Variants in CELSR1 observed in about 807,000 individuals in gnomAD.
CELSR1 encodes the protein cadherin EGF LAG seven-pass G-type receptor 1.
A neutral mutation model predicts 249.1 loss-of-function variants in CELSR1; 110 were observed. The ratio of observed to expected loss-of-function variants is 0.44; its 90% CI spans 0.38 to 0.52. CELSR1 has a LOEUF of 0.52. Among genes scored for constraint, CELSR1 ranks in the 20% least tolerant of loss-of-function variants. The pLI is 0.00. For missense variants in CELSR1, 4,109 were observed against 4,296.4 expected (o/e 0.96, Z 1.22); for synonymous variants, 2,113 against 1,900.0 (o/e 1.11, Z -2.92).
chr22:46,398,909 G>A lies in CELSR1; in HGVS notation c.5413-272C>T, dbSNP rs1422947609. 3.9e-5 allele frequency among the ~76,000 whole-genome samples: 6 copies of A among 152,210 alleles called. No homozygotes were observed. Among genetic ancestry groups the A allele is most frequent in the Admixed American group, 1.3e-4 (2 of 15,288 alleles). On this transcript the variant is annotated intron_variant, in intron 10 of 34. Transcript: ENST00000674500. This position sits in a 1 kb window ranked among gnomAD's most constrained non-coding sequence, Gnocchi z 7.2. ...TGGGGTCAACGTGGGCAACTGTCCCGCCTCCGTCAAGGGCACAACACTAAA... is the reference window on the plus strand; with the variant it reads ...TGGGGTCAACGTGGGCAACTGTCCCACCTCCGTCAAGGGCACAACACTAAA...
rs367891085 is a variant in CELSR1 at position 46,380,788 on chromosome 22, G to A, written c.7256C>T (p.Ala2419Val). ...PVCVFWNHSL[A>V]VGGTGGWSAR... The stretch of plus-strand genomic sequence containing the variant: ...ATGGGGCTCCTGGCGTCACACTTAC[G>A]CCAGGGAGTGGTTCCAGAACACGCA... The change falls in exon 22 of 35, where the codon GCC (alanine) becomes GTC (valine). Residue 2419 changes from alanine (A) to valine (V), a missense_variant and splice_region_variant. Ala to Val is a moderately conservative substitution (Grantham distance 64). This residue lies in a region of CELSR1 where 1,805 missense variants were observed against 1,831.6 expected (regional missense o/e 0.99). Transcript: ENST00000674500. This position sits in a 1 kb window ranked among gnomAD's most constrained non-coding sequence, Gnocchi z 5.1. 8.6e-5 allele frequency: 139 copies of A among 1,611,850 alleles called. No individual in the cohort carries two copies. The highest frequency in any genetic ancestry group is 1.1e-4 in the Non-Finnish European group (127 of 1,179,526).
At chr22:46,364,382 G>A (rs1765479215) in intron 33 of CELSR1, 130 bp downstream of exon 33, 3 of 1,499,088 alleles carry the variant, frequency 2.0e-6, no homozygotes, top group Non-Finnish European at 2.7e-6. Flanking sequence ...GGCTAGGCCA[G>A]GAGGCCACGT....
Position 46,412,758 on chromosome 22 carries a change from C to T in CELSR1, c.4612-999G>A, listed in dbSNP as rs561619004. Among the ~76,000 whole-genome samples the T allele has an allele frequency of 2.6e-5, 4 of 152,198 alleles. No individual in the cohort carries two copies. The highest frequency in any genetic ancestry group is 5.9e-5 in the Non-Finnish European group (4 of 68,034). On this transcript the variant is annotated intron_variant, in intron 5 of 34. Coordinates refer to ENST00000674500, the MANE Select transcript of CELSR1 (RefSeq NM_001378328.1). The surrounding 1 kb of genome is among the most constrained non-coding windows in gnomAD (Gnocchi z 4.5). ...CGCCCTACACAATCCATGCTGGCCA[C>T]GGAACTTAAGCATGTGGGTCTCAAA...
At chr22:46,525,931 C>T (rs1343181268) in intron 1 of CELSR1, among the ~76,000 whole-genome samples, 2 of 152,266 alleles carry the variant, frequency 1.3e-5, no homozygotes, top group Non-Finnish European at 2.9e-5. Context: ...TGGCCAGCAC[C>T]GCCCCTCCTG....
In CELSR1 at chr22:46,391,408, C is replaced by G. The variant is rs1486385737; in HGVS notation, c.6149-121G>C. On this transcript the variant is annotated intron_variant, in intron 15 of 34. Coordinates refer to ENST00000674500, the MANE Select transcript of CELSR1 (RefSeq NM_001378328.1). This position sits in a 1 kb window ranked among gnomAD's most constrained non-coding sequence, Gnocchi z 4.3. ...CCCTGCTCCCACCAAGAACCGAACC[C>G]TAGCATCTCCCCTGCCCCCATCCAT... The G allele has an allele frequency of 4.1e-5, 39 of 951,784 alleles. No homozygotes were observed. Among genetic ancestry groups the G allele is most frequent in the Non-Finnish European group, 3.1e-6 (2 of 642,488 alleles). The allele number at this position is 951,784 out of a possible 1,614,324, so 59.0% of individuals were successfully genotyped here.
At chr22:46,499,420 C>G (rs1379032802) in intron 1 of CELSR1, among the ~76,000 whole-genome samples, 1 of 152,134 alleles carries the variant, frequency 6.6e-6, no homozygotes, top group Non-Finnish European at 1.5e-5. Flanking sequence ...AAATCTTAGA[C>G]AATGATAACA....
rs1311826471 is a variant in CELSR1 at position 46,362,023 on chromosome 22, A to G, written c.*1200T>C. On this transcript the variant is annotated 3_prime_UTR_variant, in exon 35 of 35. Coordinates refer to ENST00000674500, the MANE Select transcript of CELSR1 (RefSeq NM_001378328.1). ...TGGCCATTTGAAGCAAAATGAAGTA[A>G]TTGGTCAGACTCCAGAGGGGAGAAC... 6.6e-6 allele frequency: 1 copy of G among 152,262 alleles called. No individual in the cohort carries two copies. Among genetic ancestry groups the G allele is most frequent in the African/African-American group, 2.4e-5 (1 of 41,464 alleles). 9.4% of individuals were successfully genotyped at this position (152,262 alleles called of 1,614,324 possible). A position where few individuals can be genotyped will look rare whatever the true frequency, so the allele number is the denominator to read the frequency against.
chr22:46,416,463 C>T (rs1569147942), intron 5 of CELSR1, among the ~76,000 whole-genome samples: 1 of 147,588 alleles, frequency 6.8e-6, no homozygotes, highest in South Asian at 2.1e-4. Context: ...AGTAGCTGGA[C>T]CTGGTCACTC....
intron 18 of CELSR1, among the ~76,000 whole-genome samples, chr22:46,387,197 T>C (rs541636750): frequency 6.6e-6 from 1 of 152,366 alleles, no homozygotes; most frequent in Non-Finnish European, 1.5e-5. Context: ...CAAGCACTGC[T>C]TAAATGCTTG....
intron 1 of CELSR1, among the ~76,000 whole-genome samples, chr22:46,465,397 C>A (rs1413348572): frequency 6.6e-6 from 1 of 152,162 alleles, no homozygotes; most frequent in Non-Finnish European, 1.5e-5. Flanking sequence ...TGTCACCCCT[C>A]AGAGTCCTGG....
chr22:46,385,095 T>A (rs2147232053), intron 19 of CELSR1, among the ~76,000 whole-genome samples: 1 of 150,798 alleles, frequency 6.6e-6, no homozygotes, highest in East Asian at 2.0e-4. Flanking sequence ...CCCAGCCTAT[T>A]TACTTATATT....
intron 1 of CELSR1, among the ~76,000 whole-genome samples, chr22:46,522,105 C>G (rs1431391991): frequency 1.3e-5 from 2 of 152,152 alleles, no homozygotes; most frequent in East Asian, 3.8e-4. Context: ...AGTCAACTCA[C>G]TGGCAAACAG....
intron 3 of CELSR1, among the ~76,000 whole-genome samples, chr22:46,438,861 G>A (rs1019568526): frequency 2.0e-5 from 3 of 152,178 alleles, no homozygotes; most frequent in South Asian, 2.1e-4. Flanking sequence ...TGGTTCAAGC[G>A]GTTCTCTTGT....
intron 17 of CELSR1, among the ~76,000 whole-genome samples, chr22:46,389,897 A>T (rs757813352): frequency 7.2e-5 from 11 of 152,174 alleles, no homozygotes; most frequent in Non-Finnish European, 1.3e-4. Context: ...GGTTGCAGCA[A>T]GCTGAGACCG....
At position 46,363,338 on chromosome 22, in the gene CELSR1, T is replaced by C. The variant is rs1327977965; in HGVS notation, c.9036-91A>G. 2 of 1,052,144 alleles carry C rather than the reference T, an allele frequency of 1.9e-6. No homozygotes were observed. Among genetic ancestry groups the C allele is most frequent in the African/African-American group, 3.1e-5 (2 of 63,538 alleles). 65.2% of individuals were successfully genotyped at this position (1,052,144 alleles called of 1,614,324 possible). A position where few individuals can be genotyped will look rare whatever the true frequency, so the allele number is the denominator to read the frequency against. On this transcript the variant is annotated intron_variant, in intron 34 of 34. Coordinates refer to ENST00000674500, the MANE Select transcript of CELSR1 (RefSeq NM_001378328.1). The surrounding 1 kb of genome is among the most constrained non-coding windows in gnomAD (Gnocchi z 4.3). ...AAGGTTGTCACACGGGGGGGCAGGA[T>C]CACCCCATCAGGGTAGAGGGGGCGT...
chr22:46,388,848 T>G (rs2079058066), intron 18 of CELSR1, among the ~76,000 whole-genome samples: 1 of 151,320 alleles, frequency 6.6e-6, no homozygotes, highest in Non-Finnish European at 1.5e-5. Flanking sequence ...CGGGTGGGAG[T>G]GGACATGGGG....
Position 46,410,288 on chromosome 22 carries a change from T to C in CELSR1, c.4933+110A>G, listed in dbSNP as rs912315032. ...GCCCACCGCTGGACACATACATTTCTAAGAAAAACACGGCTCCCCAGGGAT... is the reference window on the plus strand; with the variant it reads ...GCCCACCGCTGGACACATACATTTCCAAGAAAAACACGGCTCCCCAGGGAT... On this transcript the variant is annotated intron_variant, in intron 7 of 34. Coordinates refer to ENST00000674500, the MANE Select transcript of CELSR1 (RefSeq NM_001378328.1). The surrounding 1 kb of genome is among the most constrained non-coding windows in gnomAD (Gnocchi z 6.8). The C allele has an allele frequency of 2.8e-5, 39 of 1,399,238 alleles. No homozygotes were observed. The highest frequency in any genetic ancestry group is 3.7e-5 in the Non-Finnish European group (37 of 1,013,180). The allele number at this position is 1,399,238 out of a possible 1,614,324, so 86.7% of individuals were successfully genotyped here.
At chr22:46,377,022 G>T (rs2078925656) in intron 24 of CELSR1, 39 bp downstream of exon 24, 1 of 1,602,732 alleles carries the variant, frequency 6.2e-7, no homozygotes, top group East Asian at 2.2e-5. Context: ...GCTCCAAGCT[G>T]CGGCCCAGAC....
intron 19 of CELSR1, 53 bp from the exon 20 acceptor site, chr22:46,384,739 C>T (rs1208909282): frequency 1.3e-6 from 2 of 1,541,726 alleles, no homozygotes; most frequent in Admixed American, 2.0e-5. Flanking sequence ...TTCTTGAACC[C>T]CTGCTGTTTT....
Sources: gnomAD v4.1 joint callset for allele counts (sites outside exome capture counted in the v4.1 genomes callset) on GRCh38, gnomAD v4.1.1 for gene constraint, gnomAD v4.1.1 regional missense constraint, Gnocchi (gnomAD v3.1) non-coding constraint, MANE v1.5 for transcripts, NCBI Gene and HGNC (gene_info 2026-07-23, HGNC 2026-07-21) for gene names.